The following CAMK2D variants were observed in gnomAD, a reference collection of about 807,000 sequenced individuals.
CAMK2D encodes calcium/calmodulin-dependent protein kinase type II subunit delta.
CAMK2D carries 37 observed loss-of-function variants against 84.0 expected under a neutral mutation model. That is an observed-to-expected ratio of 0.44 (90% CI 0.34 to 0.58). The LOEUF (loss-of-function observed/expected upper bound fraction) is 0.58, where lower values mean the gene tolerates loss of function less well. CAMK2D is among the 20% of genes least tolerant of loss of function. The probability of loss-of-function intolerance (pLI) is 0.02; values close to 1 mark genes in which losing one functional copy is unlikely to be tolerated. For synonymous variants in CAMK2D, 202 were observed against 212.5 expected (o/e 0.95, Z 0.43); for missense variants, 448 against 652.5 (o/e 0.69, Z 3.41).
chr4:113,588,350 C>A (rs191322185), intron 4 of CAMK2D, among the ~76,000 whole-genome samples: 1 of 152,240 alleles, frequency 6.6e-6, no homozygotes, highest in Non-Finnish European at 1.5e-5. Context: ...CATTAAGCAT[C>A]ATAATAATAA....
chr4:113,462,372 TCATC>T (rs1452828922), intron 17 of CAMK2D, among the ~76,000 whole-genome samples: 3 of 109,400 alleles, frequency 2.7e-5, no homozygotes, highest in Non-Finnish European at 5.7e-5. Context: ...ATCTATCTAA[TCATC>T]CATCTACCCC....
chr4:113,658,968 A>T (rs1440710543), intron 3 of CAMK2D, among the ~76,000 whole-genome samples: 2 of 152,220 alleles, frequency 1.3e-5, no homozygotes, highest in Admixed American at 6.5e-5. Flanking sequence ...GGATCCTCGC[A>T]AAAAGATGTA....
intron 18 of CAMK2D, among the ~76,000 whole-genome samples, chr4:113,458,509 T>C (rs540388704): frequency 6.6e-6 from 1 of 152,334 alleles, no homozygotes; most frequent in Admixed American, 6.5e-5. Context: ...GAACATGATA[T>C]ATAGTGTTAT....
chr4:113,749,617 G>A (rs2099612677), intron 2 of CAMK2D, among the ~76,000 whole-genome samples: 1 of 152,120 alleles, frequency 6.6e-6, no homozygotes, highest in South Asian at 2.1e-4. Flanking sequence ...ACTCAAACAT[G>A]TTAAAATAAT....
intron 3 of CAMK2D, among the ~76,000 whole-genome samples, chr4:113,630,864 C>T (rs779718175): frequency 5.9e-5 from 9 of 152,144 alleles, no homozygotes; most frequent in Non-Finnish European, 1.2e-4. Flanking sequence ...CTTCTGACTT[C>T]TAAGTTGCTA....
intron 4 of CAMK2D, among the ~76,000 whole-genome samples, chr4:113,553,354 C>T (rs1046475178): frequency 6.6e-6 from 1 of 152,130 alleles, no homozygotes; most frequent in African/African-American, 2.4e-5. Flanking sequence ...AGGCATGAGT[C>T]ATTTGGAAAA....
chr4:113,468,317 C>A lies in CAMK2D; in HGVS notation c.1136-2713G>T, dbSNP rs72903975. 4.1e-3 allele frequency among the ~76,000 whole-genome samples: 625 copies of A among 152,242 alleles called. 8 individuals carry two copies. Among genetic ancestry groups the A allele is most frequent in the African/African-American group, 0.014 (583 of 41,552 alleles). On this transcript the variant is annotated intron_variant, in intron 16 of 20. Transcript: ENST00000511664. ...CTTCTTATGCTTAGAAACGATGGTGCTTTTGCTGGCAGGACAACAAATGGG... is the reference window on the plus strand; with the variant it reads ...CTTCTTATGCTTAGAAACGATGGTGATTTTGCTGGCAGGACAACAAATGGG...
intron 2 of CAMK2D, among the ~76,000 whole-genome samples, chr4:113,668,539 T>G (rs1250415489): frequency 6.6e-6 from 1 of 152,188 alleles, no homozygotes; most frequent in African/African-American, 2.4e-5. Context: ...AAGAACTAAA[T>G]TCCTAAAAGC....
At chr4:113,488,300 G>C (rs1339056284) in intron 16 of CAMK2D, among the ~76,000 whole-genome samples, 1 of 152,120 alleles carries the variant, frequency 6.6e-6, no homozygotes, top group African/African-American at 2.4e-5. Flanking sequence ...ATTACACAAA[G>C]TGTGAGTCTG....
chr4:113,504,875 A>ATC (rs1270337941), intron 14 of CAMK2D, 101 bp downstream of exon 14: 2 of 413,350 alleles, frequency 4.8e-6, no homozygotes, highest in African/African-American at 4.1e-5. Context: ...GAAATAAAAT[A>ATC]TTTATATATA....
chr4:113,486,124 C>T (rs996085269), intron 16 of CAMK2D, among the ~76,000 whole-genome samples: 14 of 146,436 alleles, frequency 9.6e-5, no homozygotes, highest in Admixed American at 2.7e-4. Flanking sequence ...GTAGTTCCTC[C>T]TTTGATTTTT....
chr4:113,518,044 T>G (rs2098309179), intron 8 of CAMK2D, among the ~76,000 whole-genome samples: 1 of 152,182 alleles, frequency 6.6e-6, no homozygotes, highest in African/African-American at 2.4e-5. Context: ...ACTAAGCATG[T>G]TTTTTATTTC....
chr4:113,467,494 T>C (rs990686014), intron 16 of CAMK2D, among the ~76,000 whole-genome samples: 2 of 152,206 alleles, frequency 1.3e-5, no homozygotes, highest in Non-Finnish European at 2.9e-5. Context: ...ATTAAGTTAG[T>C]CCATAATATG....
chr4:113,490,757 A>T (rs1364515147), intron 16 of CAMK2D, among the ~76,000 whole-genome samples: 62 of 145,576 alleles, frequency 4.3e-4, no homozygotes, highest in African/African-American at 1.6e-3. Context: ...CACGATATTG[A>T]TTCTTCCTAC....
At chr4:113,629,685 G>A (rs928688655) in intron 3 of CAMK2D, among the ~76,000 whole-genome samples, 4 of 151,264 alleles carry the variant, frequency 2.6e-5, no homozygotes, top group African/African-American at 9.7e-5. Flanking sequence ...ATGGCTAGTA[G>A]TGAATTGACT....
At chr4:113,751,150 A>G (rs1036645731) in intron 2 of CAMK2D, among the ~76,000 whole-genome samples, 5 of 152,184 alleles carry the variant, frequency 3.3e-5, no homozygotes, top group Non-Finnish European at 5.9e-5. Context: ...AAGCTTAGGA[A>G]AATTATTGTG....
chr4:113,472,074 G>C (rs1435819723), intron 16 of CAMK2D, among the ~76,000 whole-genome samples: 1 of 151,992 alleles, frequency 6.6e-6, no homozygotes. Flanking sequence ...GTGTCACTTT[G>C]TCTGTATTGC....
At chr4:113,711,476 A>G (rs1593393412) in intron 2 of CAMK2D, among the ~76,000 whole-genome samples, 1 of 152,284 alleles carries the variant, frequency 6.6e-6, no homozygotes, top group South Asian at 2.1e-4. Flanking sequence ...ATTTTTACTA[A>G]GGAGATTGTG....
In CAMK2D at chr4:113,508,311, T is replaced by C. The variant is rs1005165876; in HGVS notation, c.984+1327A>G. 1.0e-5 allele frequency: 14 copies of C among 1,390,172 alleles called. No homozygotes were observed. The Admixed American group carries it at 1.4e-4, about 14-fold the overall frequency. 86.1% of individuals were successfully genotyped at this position (1,390,172 alleles called of 1,614,324 possible). ...AGAGAAAGGAAAAGAAAAAAAAATA[T>C]GACCGGTTGAATTTAGAGTATCAAA... On this transcript the variant is annotated intron_variant, in intron 13 of 20. Coordinates refer to ENST00000511664, the MANE Select transcript of CAMK2D (RefSeq NM_001321571.2).
Sources: allele counts gnomAD v4.1 joint callset (sites outside exome capture counted in the v4.1 genomes callset), GRCh38; gene constraint gnomAD v4.1.1; transcripts MANE v1.5; gene names NCBI Gene and HGNC (gene_info 2026-07-23, HGNC 2026-07-21).